Variants in FOXP2 observed in about 807,000 individuals in gnomAD.
The protein encoded by FOXP2 is forkhead box protein P2.
Under a neutral mutation model 115.8 loss-of-function variants are expected in FOXP2, and 12 were observed. The ratio of observed to expected loss-of-function variants is 0.10; its 90% confidence interval spans 0.07 to 0.17. The LOEUF (loss-of-function observed/expected upper bound fraction) is 0.17, where lower values mean the gene tolerates loss of function less well. Ranked by LOEUF, FOXP2 falls within the 10% of genes least tolerant of loss-of-function variation. FOXP2 has a pLI of 1.00. For synonymous variants in FOXP2, 328 were observed against 297.7 expected, an observed-to-expected ratio of 1.10 and a Z score of -1.05; for missense variants, 629 against 843.5, an observed-to-expected ratio of 0.75 and a Z score of 3.15.
At chr7:114,555,756 C>T (rs956501296) in intron 3 of FOXP2, among the ~76,000 whole-genome samples, 7 of 152,104 alleles carry the variant, frequency 4.6e-5, no homozygotes, top group Non-Finnish European at 1.0e-4. Flanking sequence ...AAGAATACAC[C>T]ACTGCACTCC....
chr7:114,305,313 A>T (rs892990471), intron 2 of FOXP2, among the ~76,000 whole-genome samples: 2 of 152,170 alleles, frequency 1.3e-5, no homozygotes, highest in African/African-American at 4.8e-5. Context: ...TCACATATTC[A>T]TTTCATCAGC....
chr7:114,689,712 A>G (rs984766624), intron 16 of FOXP2, 70 bp from the exon 17 acceptor site: 1 of 1,548,438 alleles, frequency 6.5e-7, no homozygotes, highest in African/African-American at 1.4e-5. Context: ...TGACCTCTTC[A>G]CTGCAAAGTT....
At chr7:114,675,900 T>TA (rs1554443173) in intron 16 of FOXP2, among the ~76,000 whole-genome samples, 5 of 150,252 alleles carry the variant, frequency 3.3e-5, no homozygotes, top group Admixed American at 1.3e-4. Context: ...TTTATTTTAT[T>TA]TTATTATTAT....
At chr7:114,459,976 C>A (rs931147523) in intron 2 of FOXP2, among the ~76,000 whole-genome samples, 2 of 152,138 alleles carry the variant, frequency 1.3e-5, no homozygotes, top group South Asian at 2.1e-4. Context: ...TTTTCAGTAG[C>A]CATTCATGCC....
At chr7:114,360,337 G>C (rs1393685735) in intron 2 of FOXP2, among the ~76,000 whole-genome samples, 1 of 152,078 alleles carries the variant, frequency 6.6e-6, no homozygotes, top group Non-Finnish European at 1.5e-5. Flanking sequence ...ATAGCAGTAA[G>C]AAAATGGACT....
chr7:114,677,178 A>C (rs564699802), intron 16 of FOXP2, among the ~76,000 whole-genome samples: 14 of 139,470 alleles, frequency 1.0e-4, no homozygotes, highest in Middle Eastern at 3.5e-3. Context: ...AAAACAAAAA[A>C]AAAAAAAACA....
intron 1 of FOXP2, among the ~76,000 whole-genome samples, chr7:114,237,311 G>A (rs1168042058): frequency 6.6e-6 from 1 of 152,098 alleles, no homozygotes; most frequent in Non-Finnish European, 1.5e-5. Flanking sequence ...TGAAGTCAGA[G>A]GCTTGTTTAA....
chr7:114,205,280 C>T (rs758826600), intron 1 of FOXP2, among the ~76,000 whole-genome samples: 2 of 152,022 alleles, frequency 1.3e-5, no homozygotes, highest in Admixed American at 1.3e-4. Flanking sequence ...TCACACATTG[C>T]GCTCAACAAA....
At chr7:114,242,984 C>T (rs951816295) in intron 1 of FOXP2, among the ~76,000 whole-genome samples, 1 of 152,080 alleles carries the variant, frequency 6.6e-6, no homozygotes, top group African/African-American at 2.4e-5. Context: ...AGAATCCTGT[C>T]CTGTGTTATT....
At chr7:114,441,287 A>G (rs900055475) in intron 2 of FOXP2, among the ~76,000 whole-genome samples, 1 of 151,972 alleles carries the variant, frequency 6.6e-6, no homozygotes, top group Non-Finnish European at 1.5e-5. Context: ...GTCTCTACTA[A>G]AAATACAAAA....
chr7:114,372,608 G>T (rs962747300), intron 2 of FOXP2, among the ~76,000 whole-genome samples: 1 of 152,168 alleles, frequency 6.6e-6, no homozygotes, highest in Non-Finnish European at 1.5e-5. Flanking sequence ...TCTCTGAGAA[G>T]ATAAGTGCTC....
chr7:114,220,449 T>G (rs1400308524), intron 1 of FOXP2, among the ~76,000 whole-genome samples: 1 of 152,206 alleles, frequency 6.6e-6, no homozygotes, highest in Non-Finnish European at 1.5e-5. Flanking sequence ...AGAAATACTG[T>G]TTTCATAATG....
intron 2 of FOXP2, among the ~76,000 whole-genome samples, chr7:114,462,906 C>CT (rs2129225745): frequency 6.6e-6 from 1 of 152,292 alleles, no homozygotes; most frequent in East Asian, 1.9e-4. Context: ...GCACTACAAT[C>CT]TGTTTACATG....
intron 16 of FOXP2, chr7:114,664,760 C>G (rs1042727668): frequency 8.9e-6 from 3 of 338,348 alleles, no homozygotes; most frequent in African/African-American, 6.4e-5. Flanking sequence ...TTGTATGGTG[C>G]AATAAGAATA....
At chr7:114,258,149 C>A (rs143858022) in intron 1 of FOXP2, among the ~76,000 whole-genome samples, 6 of 152,182 alleles carry the variant, frequency 3.9e-5, no homozygotes, top group Non-Finnish European at 8.8e-5. Context: ...TACTAGGAAG[C>A]TGTGGCAATA....
intron 2 of FOXP2, among the ~76,000 whole-genome samples, chr7:114,503,481 T>C (rs979591887): frequency 6.6e-6 from 1 of 151,592 alleles, no homozygotes; most frequent in Non-Finnish European, 1.5e-5. Flanking sequence ...CTAATATATC[T>C]TGATATAAAA....
At chr7:114,553,459 C>T (rs1800307354) in intron 3 of FOXP2, among the ~76,000 whole-genome samples, 1 of 152,154 alleles carries the variant, frequency 6.6e-6, no homozygotes, top group South Asian at 2.1e-4. Context: ...ATCACTTAAA[C>T]ACATTGACTT....
At chr7:114,234,899 C>T (rs530364390) in intron 1 of FOXP2, among the ~76,000 whole-genome samples, 1 of 152,308 alleles carries the variant, frequency 6.6e-6, no homozygotes, top group Non-Finnish European at 1.5e-5. Context: ...TGTTAGCTCA[C>T]TCCTAGTCAT....
chr7:114,254,768 C>T (rs1237734737), intron 1 of FOXP2, among the ~76,000 whole-genome samples: 2 of 152,126 alleles, frequency 1.3e-5, no homozygotes, highest in African/African-American at 2.4e-5. Flanking sequence ...GAAGTTTGAT[C>T]GTCTGAAGCC....
Sources: allele counts gnomAD v4.1 joint callset (sites outside exome capture counted in the v4.1 genomes callset), GRCh38; gene constraint gnomAD v4.1.1; transcripts MANE v1.5; gene names NCBI Gene and HGNC (gene_info 2026-07-23, HGNC 2026-07-21).